The following PRR11 variants were observed in gnomAD, a reference collection of about 807,000 sequenced individuals.
The protein encoded by PRR11 is proline rich 11.
Under a neutral mutation model 45.6 loss-of-function variants are expected in PRR11, and 30 were observed. That is an observed-to-expected ratio of 0.66 (90% CI 0.49 to 0.89). The LOEUF is 0.89. PRR11 is among the 40% of genes least tolerant of loss of function. The pLI is 0.00. For synonymous variants in PRR11, 128 were observed against 153.5 expected (o/e 0.83, Z 1.23); for missense variants, 373 against 424.8 (o/e 0.88, Z 1.07).
At chr17:59,200,524 G>T (rs1033746863) in intron 9 of PRR11, among the ~76,000 whole-genome samples, 1 of 151,612 alleles carries the variant, frequency 6.6e-6, no homozygotes, top group Non-Finnish European at 1.5e-5. Flanking sequence ...ACGGAGTCTC[G>T]CTCTGTCGCC....
At chr17:59,169,982 G>T in intron 2 of PRR11, 102 bp downstream of exon 2, 2 of 1,398,240 alleles carry the variant, frequency 1.4e-6, no homozygotes, top group Non-Finnish European at 1.9e-6. Flanking sequence ...GCCGGGTGCA[G>T]TCATTCATTC....
rs945158512 is a variant in PRR11 at position 59,193,678 on chromosome 17, C to G, written c.589C>G (p.Pro197Ala). 4 of 1,613,946 alleles carry G rather than the reference C, an allele frequency of 2.5e-6. No homozygotes were observed. Among genetic ancestry groups the G allele is most frequent in the Admixed American group, 1.7e-5 (1 of 60,000 alleles). The change falls in exon 5 of 10, where the codon CCA becomes GCA. Residue 197 changes from proline to alanine, a missense_variant. Coordinates refer to ENST00000262293, the MANE Select transcript of PRR11 (RefSeq NM_018304.4). ...TCCACCTCCACCTCTGCCACCTCCT[C>G]CACCACCACTAGCACCTGTGTTGCT... Reference protein sequence around the residue: ...PPPPPPLPPPPPPLAPVLLRK... With the variant: ...PPPPPPLPPPAPPLAPVLLRK...
chr17:59,161,410 C>CAAA (rs60245705), intron 1 of PRR11, among the ~76,000 whole-genome samples: 18 of 95,256 alleles, frequency 1.9e-4, no homozygotes, highest in South Asian at 6.4e-4. Context: ...GACTCCGTCT[C>CAAA]AAAAAAAAAA....
intron 9 of PRR11, among the ~76,000 whole-genome samples, chr17:59,199,333 G>C (rs2046881480): frequency 6.6e-6 from 1 of 152,162 alleles, no homozygotes; most frequent in Admixed American, 6.5e-5. Flanking sequence ...AGGGATCATG[G>C]CCTATTCAAG....
intron 2 of PRR11, among the ~76,000 whole-genome samples, chr17:59,172,757 C>A (rs1446115218): frequency 1.3e-5 from 2 of 152,236 alleles, no homozygotes; most frequent in Non-Finnish European, 2.9e-5. Context: ...GCTGCCTCCC[C>A]GTGGGGCAGG....
intron 2 of PRR11, 67 bp downstream of exon 2, chr17:59,169,947 T>C: frequency 6.7e-7 from 1 of 1,496,904 alleles, no homozygotes; most frequent in Non-Finnish European, 8.9e-7. Context: ...GAGTTTCAGA[T>C]TTAGCAAATA....
chr17:59,182,758 C>A (rs563444801), intron 2 of PRR11, among the ~76,000 whole-genome samples: 1 of 152,228 alleles, frequency 6.6e-6, no homozygotes, highest in Admixed American at 6.5e-5. Flanking sequence ...CCTGATGGTC[C>A]CGACACTTCA....
intron 1 of PRR11, among the ~76,000 whole-genome samples, chr17:59,163,039 C>T (rs1268302541): frequency 2.0e-5 from 3 of 151,606 alleles, no homozygotes; most frequent in Non-Finnish European, 2.9e-5. Context: ...CACTTTCTCT[C>T]CTTCTTCCTA....
At chr17:59,195,253 A>C (rs1037685383) in intron 6 of PRR11, 78 bp from the exon 7 acceptor site, 3 of 1,103,832 alleles carry the variant, frequency 2.7e-6, no homozygotes, top group Non-Finnish European at 1.4e-6. Context: ...GCACTCAGAT[A>C]TTTGCCGTTT....
At chr17:59,166,190 T>G (rs1406506492) in intron 1 of PRR11, among the ~76,000 whole-genome samples, 1 of 152,202 alleles carries the variant, frequency 6.6e-6, no homozygotes, top group Admixed American at 6.6e-5. Context: ...TAGTGCTGCA[T>G]ACCAAGTGCT....
chr17:59,174,867 G>A (rs576292188), intron 2 of PRR11: 4 of 1,233,462 alleles, frequency 3.2e-6, no homozygotes, highest in East Asian at 5.8e-5. Context: ...TAAGAAGATG[G>A]GGACTCCCCA....
intron 1 of PRR11, among the ~76,000 whole-genome samples, chr17:59,159,858 G>C (rs796594751): frequency 1.1e-4 from 16 of 152,116 alleles, no homozygotes; most frequent in African/African-American, 3.6e-4. Context: ...ACCCTTATGG[G>C]AGAATTATGT....
intron 7 of PRR11, among the ~76,000 whole-genome samples, chr17:59,196,212 A>G (rs1016876112): frequency 6.6e-6 from 1 of 152,192 alleles, no homozygotes; most frequent in Non-Finnish European, 1.5e-5. Context: ...TTAATTTTCA[A>G]AAAGATAGGA....
intron 2 of PRR11, among the ~76,000 whole-genome samples, chr17:59,170,127 CTG>C (rs2046700496): frequency 6.6e-6 from 1 of 152,004 alleles, no homozygotes; most frequent in South Asian, 2.1e-4. Flanking sequence ...TGGCGGGCAA[CTG>C]TAATCCCAGC....
chr17:59,169,639 T>A (rs1022793495), intron 1 of PRR11, 109 bp from the exon 2 acceptor site: 1 of 1,051,598 alleles, frequency 9.5e-7, no homozygotes, highest in Non-Finnish European at 1.3e-6. Context: ...GATGGTGGTT[T>A]CAAGGGTGTG....
intron 2 of PRR11, among the ~76,000 whole-genome samples, chr17:59,180,515 T>G (rs542292889): frequency 3.0e-5 from 4 of 132,436 alleles, no homozygotes; most frequent in Admixed American, 2.2e-4. Context: ...TTTTTGTTTT[T>G]TTTGTTTTTT....
chr17:59,200,934 C>CT (rs955084891), intron 9 of PRR11, among the ~76,000 whole-genome samples: 141 of 148,162 alleles, frequency 9.5e-4, no homozygotes, highest in African/African-American at 2.0e-3. Context: ...CCACAACTAT[C>CT]TTTTTTTTTT....
intron 5 of PRR11, among the ~76,000 whole-genome samples, chr17:59,193,990 A>G (rs2046852158): frequency 6.6e-6 from 1 of 152,182 alleles, no homozygotes; most frequent in African/African-American, 2.4e-5. Context: ...GCTTCTCAGC[A>G]TGGCTTTTTC....
chr17:59,178,374 C>G (rs1268559313), intron 2 of PRR11: 1 of 446,590 alleles, frequency 2.2e-6, no homozygotes, highest in Non-Finnish European at 4.4e-6. Context: ...GTGGGAAGTG[C>G]TGGAGGGAGA....
Sources: gnomAD v4.1 joint callset for allele counts (sites outside exome capture counted in the v4.1 genomes callset) on GRCh38, gnomAD v4.1.1 for gene constraint, MANE v1.5 for transcripts, NCBI Gene and HGNC (gene_info 2026-07-23, HGNC 2026-07-21) for gene names.